The following USP6NL variants were observed in gnomAD, a reference collection of about 807,000 sequenced individuals.
USP6NL encodes USP6 N-terminal-like protein.
In USP6NL, 26 loss-of-function variants were observed where a neutral mutation model predicts 61.9. That is an observed-to-expected ratio of 0.42 (90% CI 0.31 to 0.58). The LOEUF (loss-of-function observed/expected upper bound fraction) is 0.58, where lower values mean the gene tolerates loss of function less well. USP6NL is among the 20% of genes least tolerant of loss of function. The pLI, the probability that USP6NL is intolerant of heterozygous loss-of-function variation, is 0.16. For missense variants in USP6NL, 1,114 were observed against 1,034.3 expected, an observed-to-expected ratio of 1.08 and a Z score of -1.06; for synonymous variants, 432 against 390.1, an observed-to-expected ratio of 1.11 and a Z score of -1.27.
intron 2 of USP6NL, among the ~76,000 whole-genome samples, chr10:11,582,323 A>G (rs1164410046): frequency 6.6e-6 from 1 of 151,954 alleles, no homozygotes; most frequent in Non-Finnish European, 1.5e-5. Context: ...TTAGTCTCGA[A>G]CTCTGGACCT....
chr10:11,577,390 A>T (rs1442328161), intron 2 of USP6NL, among the ~76,000 whole-genome samples: 3 of 150,990 alleles, frequency 2.0e-5, no homozygotes, highest in Admixed American at 2.0e-4. Context: ...CTTTCATTAG[A>T]TTTATTTCTA....
At chr10:11,505,513 A>C (rs1834393239) in intron 6 of USP6NL, among the ~76,000 whole-genome samples, 1 of 152,230 alleles carries the variant, frequency 6.6e-6, no homozygotes, top group South Asian at 2.1e-4. Flanking sequence ...TACTCTTAAC[A>C]ACCATGATAA....
rs145874188 is a variant in USP6NL at position 11,551,063 on chromosome 10, G to A, written c.5-23496C>T. Among the ~76,000 whole-genome samples the A allele has an allele frequency of 3.5e-3, 532 of 152,296 alleles. 3 individuals are homozygous for A. The highest frequency in any genetic ancestry group is 5.0e-3 in the Non-Finnish European group (339 of 68,034). ...AAAATGGTACAGCCATGTTAGAAAT[G>A]AGAGCATGTGTCTTATAAAGTTAGA... On this transcript the variant is annotated intron_variant, in intron 2 of 14. Coordinates refer to ENST00000609104, the MANE Select transcript of USP6NL (RefSeq NM_014688.5).
chr10:11,469,263 G>A (rs372778037), intron 14 of USP6NL, among the ~76,000 whole-genome samples: 2 of 152,080 alleles, frequency 1.3e-5, no homozygotes, highest in Admixed American at 6.5e-5. Context: ...TACTTCTTTT[G>A]TATTCCTTCC....
chr10:11,486,690 T>C (rs1833485021), intron 10 of USP6NL, among the ~76,000 whole-genome samples: 1 of 152,232 alleles, frequency 6.6e-6, no homozygotes, highest in Non-Finnish European at 1.5e-5. Context: ...AGACGTTCTA[T>C]GCTTTTGAAA....
In USP6NL at chr10:11,574,544, C is replaced by A. The variant is rs1159167147; in HGVS notation, c.4+23087G>T. On this transcript the variant is annotated intron_variant, in intron 2 of 14. Coordinates refer to ENST00000609104, the MANE Select transcript of USP6NL (RefSeq NM_014688.5). The surrounding 1 kb of genome is among the most constrained non-coding windows in gnomAD (Gnocchi z 4.3). ...ATATGTTCTATTTATCCCATAGCAG[C>A]CCTTCTCAAAGTAAACCTACAGAGT... 6.6e-6 allele frequency among the ~76,000 whole-genome samples: 1 copy of A among 152,146 alleles called. No homozygotes were observed. The highest frequency in any genetic ancestry group is 1.5e-5 in the Non-Finnish European group (1 of 68,022).
At chr10:11,578,066 C>A (rs1391405848) in intron 2 of USP6NL, among the ~76,000 whole-genome samples, 1 of 152,064 alleles carries the variant, frequency 6.6e-6, no homozygotes, top group Non-Finnish European at 1.5e-5. Context: ...CTCAAGTGAT[C>A]CTCCCACCTC....
At chr10:11,544,970 G>A (rs567910427) in intron 2 of USP6NL, among the ~76,000 whole-genome samples, 1 of 152,092 alleles carries the variant, frequency 6.6e-6, no homozygotes, top group African/African-American at 2.4e-5. Context: ...AAAACACAGG[G>A]CAAGGCTCAG....
rs2133149680 is a variant in USP6NL, at chr10:11,465,453, C to T, written c.1079-1604G>A. ...TCACACTGAGCCCTGGAAGCTGCCT[C>T]ACTTCTCCACCACTCACTGGCCTGC... On this transcript the variant is annotated intron_variant, in intron 14 of 14. Coordinates refer to ENST00000609104, the MANE Select transcript of USP6NL (RefSeq NM_014688.5). This position sits in a 1 kb window ranked among gnomAD's most constrained non-coding sequence, Gnocchi z 4.5. Among the ~76,000 whole-genome samples the T allele has an allele frequency of 6.6e-6, 1 of 152,340 alleles. No individual in the cohort carries two copies. The highest frequency in any genetic ancestry group is 2.1e-4 in the South Asian group (1 of 4,830).
intron 5 of USP6NL, among the ~76,000 whole-genome samples, chr10:11,512,095 A>G (rs1487559459): frequency 6.6e-6 from 1 of 152,196 alleles, no homozygotes; most frequent in East Asian, 1.9e-4. Context: ...ACAAATGTGA[A>G]CTTAAGTGCC....
intron 2 of USP6NL, among the ~76,000 whole-genome samples, chr10:11,549,415 A>T (rs1836406689): frequency 6.6e-6 from 1 of 152,120 alleles, no homozygotes; most frequent in Non-Finnish European, 1.5e-5. Flanking sequence ...CAGACTCCAC[A>T]CTGTTCACAG....
At position 11,485,226 on chromosome 10, in the gene USP6NL, T is replaced by C; in HGVS notation, c.768A>G (p.Gln256=). 2 of 1,522,906 alleles carry C rather than the reference T, an allele frequency of 1.3e-6. No homozygotes were observed. The highest frequency in any genetic ancestry group is 2.5e-5 in the East Asian group (1 of 40,782). 94.3% of individuals were successfully genotyped at this position (1,522,906 alleles called of 1,614,324 possible). ...TTGTGTAAAAACTTGTGTAGATTTCTTGAGAATCCTGAAAAAACAAAGAGC... is the reference window on the plus strand; with the variant it reads ...TTGTGTAAAAACTTGTGTAGATTTCCTGAGAATCCTGAAAAAACAAAGAGC... ...LSKLKQHLDS[Q]EIYTSFYTMK... The change falls in exon 12 of 15, where the codon CAA becomes CAG. Residue 256 remains glutamine, a synonymous_variant. Coordinates refer to ENST00000609104, the MANE Select transcript of USP6NL (RefSeq NM_014688.5). This position sits in a 1 kb window ranked among gnomAD's most constrained non-coding sequence, Gnocchi z 4.8.
chr10:11,508,351 C>T (rs188948849), intron 6 of USP6NL, among the ~76,000 whole-genome samples: 1 of 152,314 alleles, frequency 6.6e-6, no homozygotes, highest in Admixed American at 6.5e-5. Flanking sequence ...GATGAGGAAA[C>T]TGAGGCTTAG....
intron 2 of USP6NL, among the ~76,000 whole-genome samples, chr10:11,577,317 C>T (rs537907059): frequency 2.0e-5 from 3 of 152,022 alleles, no homozygotes; most frequent in Non-Finnish European, 4.4e-5. Flanking sequence ...ACCCACCTCG[C>T]CCTCCCAAAG....
In USP6NL at chr10:11,562,005, A is replaced by G. The variant is rs567778653; in HGVS notation, c.5-34438T>C. Reference sequence around the variant, plus strand: ...AGCAAGGATGTTCTGAGTAAAAAAAAGAAATTTGCTCATGCCTGTAATCCC... The same window carrying G: ...AGCAAGGATGTTCTGAGTAAAAAAAGGAAATTTGCTCATGCCTGTAATCCC... On this transcript the variant is annotated intron_variant, in intron 2 of 14. Coordinates refer to ENST00000609104, the MANE Select transcript of USP6NL (RefSeq NM_014688.5). This position sits in a 1 kb window ranked among gnomAD's most constrained non-coding sequence, Gnocchi z 4.8. 6.6e-6 allele frequency among the ~76,000 whole-genome samples: 1 copy of G among 152,302 alleles called. No individual in the cohort carries two copies. The highest frequency in any genetic ancestry group is 1.5e-5 in the Non-Finnish European group (1 of 68,008).
At chr10:11,552,731 C>A (rs1223420846) in intron 2 of USP6NL, among the ~76,000 whole-genome samples, 1 of 152,202 alleles carries the variant, frequency 6.6e-6, no homozygotes, top group Non-Finnish European at 1.5e-5. Context: ...ACACTTATTT[C>A]CTTACAAGGA....
intron 2 of USP6NL, chr10:11,573,952 C>G (rs1837449837): frequency 6.5e-6 from 2 of 309,642 alleles, no homozygotes. Context: ...TTACTATGCA[C>G]AGCCTTAACT....
Position 11,526,772 on chromosome 10 carries a change from T to C in USP6NL, c.72+728A>G, listed in dbSNP as rs1023940664. On this transcript the variant is annotated intron_variant, in intron 3 of 14. Coordinates refer to ENST00000609104, the MANE Select transcript of USP6NL (RefSeq NM_014688.5). The stretch of plus-strand genomic sequence containing the variant: ...TATAAATCACTGCTAGGACTCATTA[T>C]AGACCTCAGGAGGTAAGGTATAAAG... 2.4e-4 allele frequency among the ~76,000 whole-genome samples: 37 copies of C among 152,334 alleles called. 1 individual carries two copies. In the Middle Eastern group the frequency reaches 0.017, roughly 70 times the overall value.
intron 2 of USP6NL, among the ~76,000 whole-genome samples, chr10:11,549,694 T>C (rs1836414603): frequency 6.6e-6 from 1 of 152,236 alleles, no homozygotes; most frequent in South Asian, 2.1e-4. Flanking sequence ...ACATTTAATA[T>C]GTTTCTAATT....
Sources: gnomAD v4.1 joint callset for allele counts (sites outside exome capture counted in the v4.1 genomes callset) on GRCh38, gnomAD v4.1.1 for gene constraint, Gnocchi (gnomAD v3.1) non-coding constraint, MANE v1.5 for transcripts, NCBI Gene and HGNC (gene_info 2026-07-23, HGNC 2026-07-21) for gene names.